The following NXPE4 variants were observed in gnomAD, a reference collection of about 807,000 sequenced individuals.
NXPE4 encodes the protein NXPE family member 4.
Under a neutral mutation model 33.3 loss-of-function variants are expected in NXPE4, and 42 were observed. That is an observed-to-expected ratio of 1.26 (90% CI 0.98 to 1.63). The LOEUF (loss-of-function observed/expected upper bound fraction) is 1.63, where lower values mean the gene tolerates loss of function less well. NXPE4 is among the 40% of genes most tolerant of loss of function. The probability of loss-of-function intolerance (pLI) is 0.00; values close to 1 mark genes in which losing one functional copy is unlikely to be tolerated. For missense variants in NXPE4, 709 were observed against 647.6 expected (o/e 1.09, Z -1.03); for synonymous variants, 253 against 234.9 (o/e 1.08, Z -0.71).
At chr11:114,632,212 T>C in the NXPE4 span, among the ~76,000 whole-genome samples, 57 of 141,118 alleles carry the variant, frequency 4.0e-4, 1 homozygote, top group African/African-American at 1.3e-3. Context: ...ATATTATATA[T>C]GTATATGTAT....
chr11:114,633,727 T>C, the NXPE4 span, among the ~76,000 whole-genome samples: 1 of 151,836 alleles, frequency 6.6e-6, no homozygotes, highest in Admixed American at 6.6e-5. Context: ...TGGTTTTTTG[T>C]CCTTGCGATT....
chr11:114,636,377 C>T, the NXPE4 span, among the ~76,000 whole-genome samples: 5 of 152,020 alleles, frequency 3.3e-5, no homozygotes, highest in Non-Finnish European at 5.9e-5. Context: ...AGTCTGCTAG[C>T]GGTCTATCAA....
chr11:114,664,135 G>A, the NXPE4 span, among the ~76,000 whole-genome samples: 1 of 152,054 alleles, frequency 6.6e-6, no homozygotes, highest in Non-Finnish European at 1.5e-5. Context: ...AATGTCCTTC[G>A]ACTAATTAAA....
upstream of NXPE4, among the ~76,000 whole-genome samples, chr11:114,600,354 C>T (rs11603845): frequency 0.14 from 21,546 of 151,950 alleles, 1,901 homozygotes; most frequent in East Asian, 0.37. Context: ...CAAATTGAAA[C>T]AAAAATAGTT....
chr11:114,617,668 T>C, the NXPE4 span, among the ~76,000 whole-genome samples: 7 of 152,134 alleles, frequency 4.6e-5, no homozygotes, highest in Non-Finnish European at 8.8e-5. Flanking sequence ...GGGTAACCAC[T>C]GTTACCCGGT....
At chr11:114,636,460 C>T in the NXPE4 span, among the ~76,000 whole-genome samples, 3 of 151,960 alleles carry the variant, frequency 2.0e-5, no homozygotes, top group Non-Finnish European at 4.4e-5. Context: ...GTCTCTATTT[C>T]CTTCAGTTCT....
At chr11:114,601,388 C>G in the NXPE4 span, among the ~76,000 whole-genome samples, 1 of 142,632 alleles carries the variant, frequency 7.0e-6, no homozygotes, top group East Asian at 2.0e-4. Flanking sequence ...TAATACCCTC[C>G]AGTTCCATCC....
the NXPE4 span, among the ~76,000 whole-genome samples, chr11:114,604,363 A>C: frequency 1.3e-5 from 2 of 152,040 alleles, no homozygotes; most frequent in Non-Finnish European, 2.9e-5. Flanking sequence ...CCCAGTGGAC[A>C]ATAAGTGTTG....
intron 5 of NXPE4, 142 bp from the exon 6 acceptor site, chr11:114,571,615 T>C: frequency 1.3e-6 from 1 of 792,750 alleles, no homozygotes; most frequent in Non-Finnish European, 1.9e-6. Context: ...TGAGGGGATG[T>C]TTTTGAAAAT....
At chr11:114,579,707 G>A (rs1949091298) in intron 5 of NXPE4, among the ~76,000 whole-genome samples, 1 of 152,196 alleles carries the variant, frequency 6.6e-6, no homozygotes, top group Admixed American at 6.5e-5. Context: ...CTGAGGGATG[G>A]AATGGTTATG....
the NXPE4 span, among the ~76,000 whole-genome samples, chr11:114,611,026 C>T: frequency 6.6e-6 from 1 of 151,620 alleles, no homozygotes; most frequent in East Asian, 1.9e-4. Context: ...TGGGTCACAA[C>T]TCTTACTCTG....
At chr11:114,572,573 C>T (rs1335512516) in intron 5 of NXPE4, among the ~76,000 whole-genome samples, 1 of 151,966 alleles carries the variant, frequency 6.6e-6, no homozygotes, top group Non-Finnish European at 1.5e-5. Context: ...GCAAAATGCA[C>T]TGGAAATTCT....
At chr11:114,601,260 G>T in the NXPE4 span, among the ~76,000 whole-genome samples, 1 of 149,822 alleles carries the variant, frequency 6.7e-6, no homozygotes, top group Non-Finnish European at 1.5e-5. Context: ...CCCTCTTTCT[G>T]AGTCTTCAAA....
the NXPE4 span, among the ~76,000 whole-genome samples, chr11:114,650,470 T>C: frequency 1.8e-3 from 280 of 152,102 alleles, 2 homozygotes; most frequent in African/African-American, 5.3e-3. Flanking sequence ...ATGAAGGAAG[T>C]AATTGGCAGC....
the NXPE4 span, among the ~76,000 whole-genome samples, chr11:114,642,734 G>A: frequency 6.6e-6 from 1 of 152,044 alleles, no homozygotes; most frequent in South Asian, 2.1e-4. Flanking sequence ...ATGTGTGCAT[G>A]TGTCTTTATA....
the NXPE4 span, among the ~76,000 whole-genome samples, chr11:114,637,015 CGTT>C: frequency 1.3e-5 from 2 of 152,084 alleles, no homozygotes; most frequent in Non-Finnish European, 2.9e-5. Flanking sequence ...TCCTGGGTAT[CGTT>C]GTTGACTTTC....
Position 114,571,182 on chromosome 11 carries a change from C to T in NXPE4, c.1391G>A (p.Arg464Lys). Residue 464 changes from arginine to lysine, a missense_variant, in exon 6 of 6, where the codon AGA becomes AAA. By Grantham distance (26) the Arg-to-Lys change is conservative (BLOSUM62 2). Transcript: ENST00000375478. ...VHKAIQHLLL[R>K]SPDTMVIIKT... ...GATGATAACCATAGTGTCTGGGCTTCTCAGAAGAAGATGCTGAATGGCTTT... is the reference window on the plus strand; with the variant it reads ...GATGATAACCATAGTGTCTGGGCTTTTCAGAAGAAGATGCTGAATGGCTTT... The T allele has an allele frequency of 6.2e-7, 1 of 1,613,990 alleles. No homozygotes were observed. The highest frequency in any genetic ancestry group is 8.5e-7 in the Non-Finnish European group (1 of 1,179,944).
chr11:114,618,137 T>C, the NXPE4 span, among the ~76,000 whole-genome samples: 101,680 of 151,380 alleles, frequency 0.67, 34,365 homozygotes, highest in African/African-American at 0.75. Context: ...CAGTGTTACC[T>C]GGTGGATAGT....
chr11:114,668,050 G>C, the NXPE4 span, among the ~76,000 whole-genome samples: 2 of 152,028 alleles, frequency 1.3e-5, no homozygotes, highest in African/African-American at 4.8e-5. Flanking sequence ...AGGAACCTCA[G>C]CCTTTCTTAG....
Sources: allele counts gnomAD v4.1 joint callset (sites outside exome capture counted in the v4.1 genomes callset), GRCh38; gene constraint gnomAD v4.1.1; transcripts MANE v1.5; gene names NCBI Gene and HGNC (gene_info 2026-07-23, HGNC 2026-07-21).